COX15: variants seen among roughly 807,000 people sequenced by gnomAD.
COX15 encodes cytochrome c oxidase assembly factor COX15.
In COX15, 51 loss-of-function variants were observed where a neutral mutation model predicts 51.9. That is an observed-to-expected ratio of 0.98 (90% CI 0.78 to 1.24). The LOEUF is 1.24. Among genes scored for constraint, COX15 ranks in the 50% most tolerant of loss-of-function variants. The pLI, the probability that COX15 is intolerant of heterozygous loss-of-function variation, is 0.00. For missense variants in COX15, 420 were observed against 501.1 expected (o/e 0.84, Z 1.55); for synonymous variants, 188 against 190.5 (o/e 0.99, Z 0.11).
chr10:99,703,484 AT>A, the COX15 span, among the ~76,000 whole-genome samples: 2 of 152,138 alleles, frequency 1.3e-5, no homozygotes, highest in Admixed American at 6.5e-5. Flanking sequence ...AGAAATCCAT[AT>A]TTTTTATGAA....
At chr10:99,728,793 T>C (rs1437332563) in intron 2 of COX15, among the ~76,000 whole-genome samples, 1 of 152,146 alleles carries the variant, frequency 6.6e-6, no homozygotes, top group African/African-American at 2.4e-5. Context: ...TGCATAACCA[T>C]AGGACAAATG....
downstream of COX15, chr10:99,709,005 C>G: frequency 1.0e-6 from 1 of 985,354 alleles, no homozygotes; most frequent in South Asian, 4.7e-5. Context: ...GAAAAAAATA[C>G]TTTGTCAGAA....
chr10:99,724,046 C>G lies in COX15; in HGVS notation c.660G>C (p.Gln220His), dbSNP rs1470928664. ...SDSHDIPRVS[Q>H]YRLAAHLGSA... The stretch of plus-strand genomic sequence containing the variant: ...ATCCCAGGTGGGCAGCAAGGCGGTA[C>G]TGACTGACCCGAGGGATGTCATGGG... Residue 220 changes from glutamine to histidine, a missense_variant, in exon 5 of 9, where the codon CAG (glutamine) becomes CAC (histidine). Physicochemically the swap from Gln to His is conservative, Grantham distance 24. Coordinates refer to ENST00000016171, the MANE Select transcript of COX15 (RefSeq NM_078470.6). The G allele has an allele frequency of 6.2e-7, 1 of 1,614,048 alleles. No homozygotes were observed. Among genetic ancestry groups the G allele is most frequent in the Non-Finnish European group, 8.5e-7 (1 of 1,180,036 alleles).
intron 6 of COX15, 50 bp from the exon 7 acceptor site, chr10:99,718,550 C>T: frequency 6.3e-7 from 1 of 1,582,016 alleles, no homozygotes; most frequent in Non-Finnish European, 8.7e-7. Flanking sequence ...AAGAAGAGAC[C>T]AAATACTAGT....
intron 4 of COX15, 64 bp downstream of exon 4, chr10:99,726,904 A>AAAAC (rs2036970748): frequency 1.3e-6 from 2 of 1,496,148 alleles, no homozygotes; most frequent in Non-Finnish European, 1.8e-6. Flanking sequence ...AAAAAAAAAA[A>AAAAC]AACAATGCCA....
Position 99,713,537 on chromosome 10 carries a change from A to T in COX15, c.*1050T>A. On this transcript the variant is annotated 3_prime_UTR_variant, in exon 9 of 9. Coordinates refer to ENST00000016171, the MANE Select transcript of COX15 (RefSeq NM_078470.6). ...TAATTCAGCAGTCAACAATTTGTTT[A>T]TCTGGGTAGATGTCCATGCACTACA... is the stretch of plus-strand genomic sequence containing the variant. The T allele has an allele frequency of 6.4e-7, 1 of 1,567,520 alleles. No homozygotes were observed.
In COX15 at chr10:99,724,030, G is replaced by T. The variant is rs1178112885; in HGVS notation, c.676C>A (p.His226Asn). ...TAAAGAACCAGGGCTGATCCCAGGTGGGCAGCAAGGCGGTACTGACTGACC... is the reference window on the plus strand; with the variant it reads ...TAAAGAACCAGGGCTGATCCCAGGTTGGCAGCAAGGCGGTACTGACTGACC... The part of the protein sequence containing the change: ...PRVSQYRLAA[H>N]LGSALVLYCA... The change falls in exon 5 of 9, where the codon CAC becomes AAC. Residue 226 changes from histidine (H) to asparagine (N), a missense_variant. His to Asn is a moderately conservative substitution (Grantham distance 68, BLOSUM62 1). Coordinates refer to ENST00000016171, the MANE Select transcript of COX15 (RefSeq NM_078470.6). The T allele has an allele frequency of 6.2e-7, 1 of 1,614,094 alleles. No individual in the cohort carries two copies. The highest frequency in any genetic ancestry group is 1.7e-5 in the Admixed American group (1 of 60,006).
chr10:99,729,386 G>A (rs1427705396), intron 2 of COX15, among the ~76,000 whole-genome samples, 167 bp downstream of exon 2: 1 of 149,724 alleles, frequency 6.7e-6, no homozygotes, highest in African/African-American at 2.5e-5. Flanking sequence ...CTTGAACTCA[G>A]GAGACGGAGG....
rs1590075650 is a variant in COX15, at chr10:99,711,648, T to A, written c.*2939A>T. On this transcript the variant is annotated 3_prime_UTR_variant, in exon 9 of 9. Coordinates refer to ENST00000016171, the MANE Select transcript of COX15 (RefSeq NM_078470.6). ...TATGCCTTTTACTTCCTCCAGGGATTGTGACTTAATTGGTCTTAGATGAGG... is the reference window on the plus strand; with the variant it reads ...TATGCCTTTTACTTCCTCCAGGGATAGTGACTTAATTGGTCTTAGATGAGG... 14 of 985,240 alleles carry A rather than the reference T, an allele frequency of 1.4e-5. No homozygotes were observed. The South Asian group carries it at 4.7e-4, about 33-fold the overall frequency. 61.0% of individuals were successfully genotyped at this position (985,240 alleles called of 1,614,324 possible).
chr10:99,729,473 A>G (rs1020126413), intron 2 of COX15, 80 bp downstream of exon 2: 16 of 1,493,502 alleles, frequency 1.1e-5, no homozygotes, highest in Non-Finnish European at 1.5e-5. Flanking sequence ...AAAAAAAAAA[A>G]AAAAAATCCT....
chr10:99,728,586 G>A (rs2037036577), intron 2 of COX15, among the ~76,000 whole-genome samples: 1 of 152,156 alleles, frequency 6.6e-6, no homozygotes, highest in South Asian at 2.1e-4. Context: ...AATGGATCTA[G>A]GCAATGGTAA....
At position 99,723,953 on chromosome 10, in the gene COX15, T is replaced by C; in HGVS notation, c.750+3A>G. ...AACACAGATATTTGCACACAACTCT[T>C]ACCTTGTGCGGAGGGAGTAGCAGTG... On this transcript the variant is annotated splice_donor_region_variant and intron_variant, in intron 5 of 8. Coordinates refer to ENST00000016171, the MANE Select transcript of COX15 (RefSeq NM_078470.6). 6.2e-7 allele frequency: 1 copy of C among 1,613,674 alleles called. No homozygotes were observed. Among genetic ancestry groups the C allele is most frequent in the South Asian group, 1.1e-5 (1 of 91,060 alleles).
the COX15 span, among the ~76,000 whole-genome samples, chr10:99,696,810 T>G: frequency 6.6e-6 from 1 of 152,210 alleles, no homozygotes; most frequent in Non-Finnish European, 1.5e-5. Context: ...TCATTAAATT[T>G]ACACAAAATT....
chr10:99,699,893 C>T, the COX15 span, among the ~76,000 whole-genome samples: 2 of 151,966 alleles, frequency 1.3e-5, no homozygotes, highest in Non-Finnish European at 2.9e-5. Context: ...CCCTCCCTCC[C>T]TTCCCTCCTT....
downstream of COX15, among the ~76,000 whole-genome samples, chr10:99,707,264 T>C (rs2036271630): frequency 6.6e-6 from 1 of 152,196 alleles, no homozygotes; most frequent in Non-Finnish European, 1.5e-5. Context: ...AGTTCCACAG[T>C]ACTGAAGGAA....
chr10:99,696,109 C>T, the COX15 span: 3 of 1,612,132 alleles, frequency 1.9e-6, no homozygotes, highest in African/African-American at 4.0e-5. Flanking sequence ...GAATGAAACT[C>T]TTAACAAAAA....
the COX15 span, among the ~76,000 whole-genome samples, chr10:99,701,290 AT>A: frequency 0.43 from 62,951 of 146,712 alleles, 13,571 homozygotes; most frequent in Middle Eastern, 0.58. Context: ...AACAAAAGTG[AT>A]TTTTTTTTTT....
At chr10:99,710,453 C>T (rs1268361064), downstream of COX15, 8 of 985,188 alleles carry the variant, frequency 8.1e-6, no homozygotes, top group Admixed American at 4.9e-4. Flanking sequence ...ATGATCTACA[C>T]TTTAAAAAAC....
the COX15 span, chr10:99,704,934 G>A: frequency 7.7e-6 from 4 of 517,284 alleles, no homozygotes; most frequent in Non-Finnish European, 1.4e-5. Flanking sequence ...CTTTGTCCAA[G>A]TGAAGCAGGC....
Sources: gnomAD v4.1 joint callset for allele counts (sites outside exome capture counted in the v4.1 genomes callset) on GRCh38, gnomAD v4.1.1 for gene constraint, MANE v1.5 for transcripts, NCBI Gene and HGNC (gene_info 2026-07-23, HGNC 2026-07-21) for gene names.